Variants in ETV6 observed in about 807,000 individuals in gnomAD.
The protein encoded by ETV6 is transcription factor ETV6.
A neutral mutation model predicts 51.1 loss-of-function variants in ETV6; 16 were observed. That is an observed-to-expected ratio of 0.31 (90% CI 0.21 to 0.48). The LOEUF (loss-of-function observed/expected upper bound fraction) is 0.48, where lower values mean the gene tolerates loss of function less well. Ranked by LOEUF, ETV6 falls within the 20% of genes least tolerant of loss-of-function variation. ETV6 has a pLI of 0.99. For synonymous variants in ETV6, 240 were observed against 224.1 expected (o/e 1.07, Z -0.64); for missense variants, 458 against 594.8 (o/e 0.77, Z 2.39).
intron 3 of ETV6, among the ~76,000 whole-genome samples, chr12:11,839,634 C>A (rs1007419013): frequency 6.6e-6 from 1 of 152,230 alleles, no homozygotes; most frequent in East Asian, 1.9e-4. Context: ...AATCCCAGCA[C>A]TTTGGGAGGC....
chr12:11,802,778 G>C (rs10491992), intron 2 of ETV6, among the ~76,000 whole-genome samples: 20,243 of 152,188 alleles, frequency 0.13, 1,609 homozygotes, highest in African/African-American at 0.21. Context: ...GGATTGAACT[G>C]AGCTTTGAAT....
chr12:11,751,677 C>G (rs1205151747), intron 1 of ETV6, among the ~76,000 whole-genome samples: 5 of 152,218 alleles, frequency 3.3e-5, no homozygotes, highest in Non-Finnish European at 7.3e-5. Context: ...TCTCCCACCC[C>G]ACCCTTTGAT....
chr12:11,893,030 C>T lies in ETV6; in HGVS notation c.*1984C>T, dbSNP rs1320506396. On this transcript the variant is annotated 3_prime_UTR_variant, in exon 8 of 8. Coordinates refer to ENST00000396373, the MANE Select transcript of ETV6 (RefSeq NM_001987.5). ...GAGGTCAGGGACCTTCTATATGAGG[C>T]GAGTGGGTCTCAGTCTGCTTGAATG... is the stretch of plus-strand genomic sequence containing the variant. 1.7e-5 allele frequency: 4 copies of T among 232,644 alleles called. No homozygotes were observed. The highest frequency in any genetic ancestry group is 2.5e-5 in the Non-Finnish European group (3 of 117,778). 14.4% of individuals were successfully genotyped at this position (232,644 alleles called of 1,614,324 possible). A position where few individuals can be genotyped will look rare whatever the true frequency, so the allele number is the denominator to read the frequency against.
intron 1 of ETV6, among the ~76,000 whole-genome samples, chr12:11,677,606 G>A (rs1028368989): frequency 2.6e-5 from 4 of 152,182 alleles, no homozygotes; most frequent in Non-Finnish European, 2.9e-5. Context: ...GGATGTATGC[G>A]TATTGAGCAC....
intron 1 of ETV6, among the ~76,000 whole-genome samples, chr12:11,681,864 C>G (rs996731596): frequency 1.3e-5 from 2 of 152,178 alleles, no homozygotes; most frequent in African/African-American, 4.8e-5. Context: ...ATGATGGTTT[C>G]CAGCTTCAAC....
intron 1 of ETV6, among the ~76,000 whole-genome samples, chr12:11,748,551 G>C (rs1266744717): frequency 6.6e-6 from 1 of 152,126 alleles, no homozygotes; most frequent in African/African-American, 2.4e-5. Flanking sequence ...TGTGCTAGGG[G>C]ATCCCCGTGA....
chr12:11,769,455 G>T (rs897323123), intron 2 of ETV6, among the ~76,000 whole-genome samples: 2 of 151,596 alleles, frequency 1.3e-5, no homozygotes, highest in African/African-American at 2.4e-5. Context: ...AAAAAAAAAC[G>T]ATTTTGATGG....
At chr12:11,821,355 G>A (rs1196373566) in intron 2 of ETV6, among the ~76,000 whole-genome samples, 1 of 152,130 alleles carries the variant, frequency 6.6e-6, no homozygotes, top group African/African-American at 2.4e-5. Flanking sequence ...AACAGAGTGA[G>A]ACTCAGTCTC....
intron 3 of ETV6, among the ~76,000 whole-genome samples, chr12:11,842,067 G>C (rs1946398451): frequency 1.4e-5 from 2 of 144,974 alleles, no homozygotes; most frequent in South Asian, 2.3e-4. Flanking sequence ...GGGCGACAGA[G>C]CGAGACTCCG....
intron 2 of ETV6, among the ~76,000 whole-genome samples, chr12:11,832,449 A>C (rs901091064): frequency 1.3e-5 from 2 of 152,210 alleles, no homozygotes; most frequent in African/African-American, 4.8e-5. Flanking sequence ...ACTGGCAGTG[A>C]TCCTTCAGGG....
intron 7 of ETV6, among the ~76,000 whole-genome samples, chr12:11,887,181 C>T (rs998990902): frequency 1.3e-4 from 20 of 152,130 alleles, no homozygotes; most frequent in East Asian, 9.6e-4. Flanking sequence ...CTGGCTCTAC[C>T]GTATGGCTTT....
chr12:11,880,482 A>G (rs1329282734), intron 5 of ETV6, among the ~76,000 whole-genome samples: 3 of 151,354 alleles, frequency 2.0e-5, no homozygotes, highest in Non-Finnish European at 4.4e-5. Flanking sequence ...CCAACATGGC[A>G]GCCCAGTGCA....
chr12:11,811,781 G>T (rs1382141686), intron 2 of ETV6, among the ~76,000 whole-genome samples: 1 of 152,158 alleles, frequency 6.6e-6, no homozygotes, highest in Non-Finnish European at 1.5e-5. Flanking sequence ...TTCTACAGAT[G>T]AGGAAATGAA....
chr12:11,685,459 A>G (rs954360614), intron 1 of ETV6, among the ~76,000 whole-genome samples: 7 of 152,114 alleles, frequency 4.6e-5, no homozygotes, highest in Non-Finnish European at 2.9e-5. Context: ...GAAGTTCCCT[A>G]TTGAGATTTG....
At chr12:11,751,126 A>G (rs921574400) in intron 1 of ETV6, among the ~76,000 whole-genome samples, 1 of 152,210 alleles carries the variant, frequency 6.6e-6, no homozygotes, top group African/African-American at 2.4e-5. Context: ...AAATTATAAC[A>G]ATATGTATAT....
intron 1 of ETV6, among the ~76,000 whole-genome samples, chr12:11,662,544 A>C (rs910722182): frequency 1.3e-4 from 20 of 152,146 alleles, no homozygotes; most frequent in Admixed American, 1.2e-3. Flanking sequence ...GTCTGTGTAC[A>C]TTTTCATTTC....
chr12:11,726,237 G>T (rs1865485833), intron 1 of ETV6, among the ~76,000 whole-genome samples: 1 of 152,228 alleles, frequency 6.6e-6, no homozygotes, highest in African/African-American at 2.4e-5. Flanking sequence ...ATGTTTGGAA[G>T]AAGGAGTGTG....
At chr12:11,865,250 CA>C (rs11395687) in intron 4 of ETV6, among the ~76,000 whole-genome samples, 1,678 of 82,846 alleles carry the variant, frequency 0.02, 12 homozygotes, top group African/African-American at 0.057. Flanking sequence ...GACTCCGTCT[CA>C]AAAAAAAAAA....
At position 11,875,283 on chromosome 12, in the gene ETV6, A is replaced by T. The variant is rs1336421209; in HGVS notation, c.1009+5314A>T. 5.3e-5 allele frequency among the ~76,000 whole-genome samples: 8 copies of T among 152,202 alleles called. No individual in the cohort carries two copies. The East Asian group carries it at 1.5e-3, about 29-fold the overall frequency. The stretch of plus-strand genomic sequence containing the variant: ...GGAATGGCTAGTGTTTATGGGAGAG[A>T]GTTTAGCACAAGACGGAGTGAGACA... On this transcript the variant is annotated intron_variant, in intron 5 of 7. Transcript: ENST00000396373.
Sources: allele counts gnomAD v4.1 joint callset (sites outside exome capture counted in the v4.1 genomes callset), GRCh38; gene constraint gnomAD v4.1.1; transcripts MANE v1.5; gene names NCBI Gene and HGNC (gene_info 2026-07-23, HGNC 2026-07-21).